The following CCDC178 variants were observed in gnomAD, a reference collection of about 807,000 sequenced individuals.
CCDC178 encodes the protein coiled-coil domain-containing protein 178.
CCDC178 carries 126 observed loss-of-function variants against 117.4 expected under a neutral mutation model. The observed-to-expected ratio is 1.07, with a 90% CI of 0.93 to 1.24. The LOEUF (loss-of-function observed/expected upper bound fraction) is 1.24, where lower values mean the gene tolerates loss of function less well. Ranked by LOEUF, CCDC178 falls within the 50% of genes most tolerant of loss-of-function variation. The pLI is 0.00. For missense variants in CCDC178, 1,030 were observed against 986.9 expected, an observed-to-expected ratio of 1.04 and a Z score of -0.59; for synonymous variants, 283 against 313.4, an observed-to-expected ratio of 0.90 and a Z score of 1.02.
At chr18:33,175,878 C>T (rs1243574184) in intron 20 of CCDC178, among the ~76,000 whole-genome samples, 1 of 152,146 alleles carries the variant, frequency 6.6e-6, no homozygotes, top group Non-Finnish European at 1.5e-5. Context: ...GCCTTCCATC[C>T]AAAAATGTCT....
At chr18:33,091,673 C>T (rs2057468630) in intron 21 of CCDC178, among the ~76,000 whole-genome samples, 1 of 151,980 alleles carries the variant, frequency 6.6e-6, no homozygotes, top group Non-Finnish European at 1.5e-5. Flanking sequence ...CTTCTCTTTC[C>T]CAATGTATTC....
intron 21 of CCDC178, among the ~76,000 whole-genome samples, chr18:33,027,630 A>T (rs1007336004): frequency 6.6e-6 from 1 of 151,786 alleles, no homozygotes; most frequent in African/African-American, 2.4e-5. Flanking sequence ...GAGATTAACA[A>T]GATATTTTAT....
chr18:33,105,711 A>G (rs2057696473), intron 20 of CCDC178, among the ~76,000 whole-genome samples: 1 of 151,650 alleles, frequency 6.6e-6, no homozygotes, highest in Non-Finnish European at 1.5e-5. Context: ...CCAGTTCCTT[A>G]AATCCTAGTT....
intron 12 of CCDC178, among the ~76,000 whole-genome samples, chr18:33,283,372 T>C (rs2060048879): frequency 6.6e-6 from 1 of 152,174 alleles, no homozygotes; most frequent in African/African-American, 2.4e-5. Context: ...GTGCCTTCTT[T>C]GACCAAGATG....
intron 6 of CCDC178, among the ~76,000 whole-genome samples, chr18:33,368,951 C>G (rs1488370087): frequency 6.6e-6 from 1 of 151,612 alleles, no homozygotes; most frequent in Non-Finnish European, 1.5e-5. Context: ...TGATTTTTAT[C>G]ATTTTTAACA....
intron 18 of CCDC178, among the ~76,000 whole-genome samples, chr18:33,222,251 CCCT>C (rs1425637361): frequency 2.7e-5 from 4 of 149,970 alleles, no homozygotes; most frequent in African/African-American, 9.8e-5. Flanking sequence ...TTCCCTCCCT[CCCT>C]CCTTTCCTGC....
At chr18:33,261,221 C>T (rs989607339) in intron 14 of CCDC178, among the ~76,000 whole-genome samples, 1 of 152,112 alleles carries the variant, frequency 6.6e-6, no homozygotes. Flanking sequence ...GTAGCTGGGG[C>T]TACAGGCGCC....
intron 20 of CCDC178, among the ~76,000 whole-genome samples, chr18:33,129,061 T>C (rs1319148479): frequency 6.6e-6 from 1 of 152,126 alleles, no homozygotes; most frequent in African/African-American, 2.4e-5. Context: ...AAAACAATAA[T>C]ACTTTCCCCC....
chr18:33,285,377 CCAAGGTGTTCTAT>C (rs200891286), intron 12 of CCDC178, among the ~76,000 whole-genome samples: 1,605 of 152,044 alleles, frequency 0.011, 20 homozygotes, highest in Middle Eastern at 0.02. Flanking sequence ...AAAAAAATCA[CCAAGGTGTTCTAT>C]CAAATTTTCA....
In CCDC178 at chr18:33,267,658, T is replaced by C. The variant is rs565437127; in HGVS notation, c.1177-361A>G. On this transcript the variant is annotated intron_variant, in intron 12 of 22. Coordinates refer to ENST00000383096, the MANE Select transcript of CCDC178 (RefSeq NM_001105528.4). ...TAGACTCAAGAATAAGATCATATTA[T>C]CTTTTATTACATTATTAATCATGCT... Among the ~76,000 whole-genome samples, 764 of 151,666 alleles carry C rather than the reference T, an allele frequency of 5.0e-3. 5 individuals are homozygous for C. The highest frequency in any genetic ancestry group is 8.2e-3 in the Non-Finnish European group (558 of 67,714).
chr18:33,210,301 C>A (rs1196036961), intron 20 of CCDC178, among the ~76,000 whole-genome samples: 1 of 151,818 alleles, frequency 6.6e-6, no homozygotes, highest in African/African-American at 2.4e-5. Context: ...GAGATCAGTG[C>A]CCAGAAAAAA....
intron 2 of CCDC178, among the ~76,000 whole-genome samples, chr18:33,430,089 T>G (rs1296021643): frequency 1.3e-5 from 2 of 152,206 alleles, no homozygotes; most frequent in Admixed American, 6.5e-5. Context: ...TATATCTGTA[T>G]CTACAAAGAG....
chr18:33,170,785 T>C (rs1234491761), intron 20 of CCDC178, among the ~76,000 whole-genome samples: 1 of 152,156 alleles, frequency 6.6e-6, no homozygotes, highest in African/African-American at 2.4e-5. Flanking sequence ...AAGCAGAGGA[T>C]TTTTTTATTT....
intron 11 of CCDC178, among the ~76,000 whole-genome samples, chr18:33,309,509 A>G (rs2062306308): frequency 6.6e-6 from 1 of 152,206 alleles, no homozygotes; most frequent in South Asian, 2.1e-4. Context: ...ATTGAATAAT[A>G]AATGCTTATT....
At chr18:33,005,300 C>T (rs2055724997) in intron 21 of CCDC178, among the ~76,000 whole-genome samples, 1 of 151,920 alleles carries the variant, frequency 6.6e-6, no homozygotes, top group African/African-American at 2.4e-5. Context: ...GAATAAGGTC[C>T]TGTTATTTGC....
chr18:33,209,602 C>A (rs534841654), intron 20 of CCDC178, among the ~76,000 whole-genome samples: 3 of 151,946 alleles, frequency 2.0e-5, no homozygotes, highest in Non-Finnish European at 4.4e-5. Context: ...CAGGTTTCTA[C>A]GAGAAATCAC....
chr18:33,125,542 T>A, intron 20 of CCDC178, among the ~76,000 whole-genome samples: 1 of 152,338 alleles, frequency 6.6e-6, no homozygotes, highest in East Asian at 1.9e-4. Context: ...TTTTTTATGT[T>A]CTTAAAGAAA....
chr18:33,075,388 T>C (rs561422584), intron 21 of CCDC178, among the ~76,000 whole-genome samples: 32 of 152,330 alleles, frequency 2.1e-4, no homozygotes, highest in African/African-American at 7.5e-4. Context: ...TTGCTGTTTG[T>C]TCATTCAAAA....
At chr18:33,036,123 C>CTAAA (rs1169275242) in intron 21 of CCDC178, among the ~76,000 whole-genome samples, 1 of 151,732 alleles carries the variant, frequency 6.6e-6, no homozygotes, top group African/African-American at 2.4e-5. Flanking sequence ...AGACACAAGC[C>CTAAA]TAAACTCTTT....
Sources: allele counts gnomAD v4.1 joint callset (sites outside exome capture counted in the v4.1 genomes callset), GRCh38; gene constraint gnomAD v4.1.1; transcripts MANE v1.5; gene names NCBI Gene and HGNC (gene_info 2026-07-23, HGNC 2026-07-21).